Variants in CEP57L1 observed in about 807,000 individuals in gnomAD.
The protein encoded by CEP57L1 is centrosomal protein 57 like 1.
CEP57L1 carries 37 observed loss-of-function variants against 61.0 expected under a neutral mutation model. The ratio of observed to expected loss-of-function variants is 0.61; its 90% CI spans 0.47 to 0.80. CEP57L1 has a LOEUF of 0.80. CEP57L1 is among the 30% of genes least tolerant of loss of function. The probability of loss-of-function intolerance (pLI) is 0.00; values close to 1 mark genes in which losing one functional copy is unlikely to be tolerated. For synonymous variants in CEP57L1, 137 were observed against 162.3 expected (o/e 0.84, Z 1.19); for missense variants, 422 against 524.7 (o/e 0.80, Z 1.91).
rs1456389217 is a variant in CEP57L1, at chr6:109,153,925, TACA to T, written c.561_563del (p.Thr188del). The T allele has an allele frequency of 5.0e-6, 8 of 1,603,592 alleles. No homozygotes were observed. Among genetic ancestry groups the T allele is most frequent in the Admixed American group, 3.4e-5 (2 of 58,878 alleles). On this transcript the variant is annotated inframe_deletion, in exon 5 of 11. Coordinates refer to ENST00000517392, the MANE Select transcript of CEP57L1 (RefSeq NM_001271852.3). ...TCTTAGAAAAAGAGTGTTTCAGACT[TACA>T]ACAACTCAGAAAACTGCTGAGGTAA...
chr6:109,123,847 T>A (rs1298786142), intron 1 of CEP57L1, among the ~76,000 whole-genome samples: 2 of 152,064 alleles, frequency 1.3e-5, no homozygotes, highest in African/African-American at 4.8e-5. Context: ...GGCGGGCAGA[T>A]CACCTGATGA....
chr6:109,112,280 A>T lies in CEP57L1; in HGVS notation c.-4+16705A>T, dbSNP rs142651269. On this transcript the variant is annotated intron_variant, in intron 1 of 10. Transcript: ENST00000517392. Reference sequence around the variant, plus strand: ...GGTGTATGTGCCCCGGAATTTATCCATGTCTTCTAGATTTTCTAGTTTATT... The same window carrying T: ...GGTGTATGTGCCCCGGAATTTATCCTTGTCTTCTAGATTTTCTAGTTTATT... Among the ~76,000 whole-genome samples, 1,261 of 152,202 alleles carry T rather than the reference A, an allele frequency of 8.3e-3. 24 individuals are homozygous for T. The highest frequency in any genetic ancestry group is 0.029 in the African/African-American group (1,210 of 41,522).
intron 1 of CEP57L1, among the ~76,000 whole-genome samples, chr6:109,137,176 G>A (rs896217715): frequency 6.6e-6 from 1 of 152,004 alleles, no homozygotes; most frequent in Admixed American, 6.6e-5. Context: ...GTTTGTAATA[G>A]TAATATATTT....
rs546417611 is a variant in CEP57L1 at position 109,161,793 on chromosome 6, A to G, written c.1162-956A>G. Among the ~76,000 whole-genome samples, 7 of 152,242 alleles carry G rather than the reference A, an allele frequency of 4.6e-5. No homozygotes were observed. In the East Asian group the frequency reaches 7.7e-4, roughly 17 times the overall value. ...ATATATATACTATATTTTTAAAAAC[A>G]TGATTTATATTCCATAATAGCTATA... On this transcript the variant is annotated intron_variant, in intron 10 of 10. Coordinates refer to ENST00000517392, the MANE Select transcript of CEP57L1 (RefSeq NM_001271852.3).
chr6:109,162,197 A>G (rs1057347902), intron 10 of CEP57L1, among the ~76,000 whole-genome samples: 2 of 152,082 alleles, frequency 1.3e-5, no homozygotes, highest in African/African-American at 2.4e-5. Flanking sequence ...GGAAAAAAAC[A>G]CATATTTATA....
chr6:109,115,450 A>G (rs750911042), intron 1 of CEP57L1, among the ~76,000 whole-genome samples: 1 of 152,198 alleles, frequency 6.6e-6, no homozygotes, highest in Non-Finnish European at 1.5e-5. Context: ...GTGGATTTAT[A>G]CAATGGAAAA....
chr6:109,137,680 A>T (rs2114810962), intron 1 of CEP57L1, among the ~76,000 whole-genome samples: 1 of 152,322 alleles, frequency 6.6e-6, no homozygotes, highest in African/African-American at 2.4e-5. Context: ...TGGGATATTT[A>T]TTTATTCAAC....
intron 1 of CEP57L1, among the ~76,000 whole-genome samples, chr6:109,134,882 G>A (rs1433043378): frequency 1.3e-5 from 2 of 152,094 alleles, no homozygotes; most frequent in Non-Finnish European, 2.9e-5. Context: ...CTTCAAGGAG[G>A]ACTACAAACC....
intron 1 of CEP57L1, among the ~76,000 whole-genome samples, chr6:109,100,666 T>G (rs2114546959): frequency 8.1e-6 from 1 of 123,172 alleles, no homozygotes; most frequent in South Asian, 2.6e-4. Flanking sequence ...CAGAGTGAGA[T>G]TGTCTCAAAA....
At position 109,135,100 on chromosome 6, in the gene CEP57L1, C is replaced by T. The variant is rs569689737; in HGVS notation, c.-3-10119C>T. On this transcript the variant is annotated intron_variant, in intron 1 of 10. Transcript: ENST00000517392. Reference sequence around the variant, plus strand: ...TATGGAACCAAAAAAGAGCCCGCATCGCCAAGTCAATCCTAAGCCAAAAGA... The same window carrying T: ...TATGGAACCAAAAAAGAGCCCGCATTGCCAAGTCAATCCTAAGCCAAAAGA... Among the ~76,000 whole-genome samples, 1,143 of 152,144 alleles carry T rather than the reference C, an allele frequency of 7.5e-3. 6 individuals carry two copies. Among genetic ancestry groups the T allele is most frequent in the Middle Eastern group, 0.027 (8 of 292 alleles).
At chr6:109,159,720 G>C (rs1773558756) in intron 9 of CEP57L1, among the ~76,000 whole-genome samples, 1 of 152,036 alleles carries the variant, frequency 6.6e-6, no homozygotes, top group African/African-American at 2.4e-5. Flanking sequence ...TGGACAGTTT[G>C]TTGTCCCTAT....
At chr6:109,119,321 G>A (rs765064986) in intron 1 of CEP57L1, among the ~76,000 whole-genome samples, 12 of 152,100 alleles carry the variant, frequency 7.9e-5, no homozygotes, top group Non-Finnish European at 7.4e-5. Context: ...ATTAGTAGTA[G>A]GAAAATCACT....
At chr6:109,108,509 C>T (rs1771201874) in intron 1 of CEP57L1, among the ~76,000 whole-genome samples, 2 of 152,172 alleles carry the variant, frequency 1.3e-5, no homozygotes, top group East Asian at 1.9e-4. Context: ...CCCACCACAG[C>T]CAGCCCCATT....
At chr6:109,123,012 C>T (rs1031761503) in intron 1 of CEP57L1, among the ~76,000 whole-genome samples, 20 of 151,926 alleles carry the variant, frequency 1.3e-4, no homozygotes, top group East Asian at 1.9e-4. Context: ...ATTTATGGGC[C>T]GTATCCCTAG....
At chr6:109,128,520 C>G (rs1773829372) in intron 1 of CEP57L1, among the ~76,000 whole-genome samples, 1 of 152,176 alleles carries the variant, frequency 6.6e-6, no homozygotes, top group South Asian at 2.1e-4. Context: ...CTCCTTTTGT[C>G]TGTTCACCTT....
At position 109,095,565 on chromosome 6, in the gene CEP57L1, G is replaced by A. The variant is rs1781586957; in HGVS notation, c.-14G>A. On this transcript the variant is annotated 5_prime_UTR_variant, in exon 1 of 11. Coordinates refer to ENST00000517392, the MANE Select transcript of CEP57L1 (RefSeq NM_001271852.3). ...TAGCGGTGGCAGGGGCTGACTGAGA[G>A]CGTCTGCTTGGTAAGCACTGTAAGC... 1 of 985,866 alleles carries A rather than the reference G, an allele frequency of 1.0e-6. No individual in the cohort carries two copies. Among genetic ancestry groups the A allele is most frequent in the Non-Finnish European group, 1.2e-6 (1 of 829,928 alleles). 61.1% of individuals were successfully genotyped at this position (985,866 alleles called of 1,614,324 possible).
At chr6:109,120,945 C>T (rs1562518458) in intron 1 of CEP57L1, among the ~76,000 whole-genome samples, 1 of 148,546 alleles carries the variant, frequency 6.7e-6, no homozygotes, top group African/African-American at 2.6e-5. Flanking sequence ...CACACACACA[C>T]ACACACACAC....
At position 109,174,099 on chromosome 6, in the gene CEP57L1, C is replaced by CAAAAAAAA. The variant is rs1298260523; in HGVS notation, c.*11137_*11144dup. Among the ~76,000 whole-genome samples the CAAAAAAAA allele has an allele frequency of 4.9e-5, 4 of 81,926 alleles. No homozygotes were observed. Among genetic ancestry groups the CAAAAAAAA allele is most frequent in the African/African-American group, 1.9e-4 (4 of 20,894 alleles). The allele number at this position is 81,926 out of a possible 152,430, so 53.7% of individuals were successfully genotyped here. A position where few individuals can be genotyped will look rare whatever the true frequency, so the allele number is the denominator to read the frequency against. ...TGAGCCATAGAGTGAGTCTTGGTCT[C>CAAAAAAAA]AAAAAAAAAAAAAAACCTTGTGTTG... is the stretch of plus-strand genomic sequence containing the variant. On this transcript the variant is annotated 3_prime_UTR_variant, in exon 11 of 11. Transcript: ENST00000517392.
chr6:109,139,515 C>CTCCCAGGCTGGAG (rs1391269445), intron 1 of CEP57L1, among the ~76,000 whole-genome samples: 1 of 150,960 alleles, frequency 6.6e-6, no homozygotes, highest in Admixed American at 6.6e-5. Flanking sequence ...CTCACTCTGT[C>CTCCCAGGCTGGAG]TCCCAGGCTG....
Sources: gnomAD v4.1 joint callset for allele counts (sites outside exome capture counted in the v4.1 genomes callset) on GRCh38, gnomAD v4.1.1 for gene constraint, MANE v1.5 for transcripts, NCBI Gene and HGNC (gene_info 2026-07-23, HGNC 2026-07-21) for gene names.